The following OSBPL10 variants were observed in gnomAD, a reference collection of about 807,000 sequenced individuals.
The protein encoded by OSBPL10 is oxysterol binding protein like 10.
Under a neutral mutation model 81.7 loss-of-function variants are expected in OSBPL10, and 49 were observed. The ratio of observed to expected loss-of-function variants is 0.60; its 90% CI spans 0.48 to 0.76. OSBPL10 has a LOEUF of 0.76. Among genes scored for constraint, OSBPL10 ranks in the 30% least tolerant of loss-of-function variants. The pLI is 0.00. For synonymous variants in OSBPL10, 419 were observed against 383.6 expected, an observed-to-expected ratio of 1.09 and a Z score of -1.08; for missense variants, 923 against 987.8, an observed-to-expected ratio of 0.93 and a Z score of 0.88.
chr3:31,699,624 T>A (rs1205238469), intron 7 of OSBPL10, among the ~76,000 whole-genome samples: 2 of 152,212 alleles, frequency 1.3e-5, no homozygotes, highest in African/African-American at 4.8e-5. Flanking sequence ...AAGACAGTGA[T>A]AGCAGGGCAT....
chr3:31,976,736 T>TTCAC (rs1307806372), intron 1 of OSBPL10, among the ~76,000 whole-genome samples: 2 of 152,168 alleles, frequency 1.3e-5, no homozygotes, highest in Non-Finnish European at 2.9e-5. Context: ...GGATTACAGA[T>TTCAC]GTGAGCCAAT....
chr3:31,754,191 C>G (rs1697816770), intron 4 of OSBPL10, among the ~76,000 whole-genome samples: 1 of 152,176 alleles, frequency 6.6e-6, no homozygotes, highest in South Asian at 2.1e-4. Context: ...TAGGCAAGGT[C>G]CTGAGCCCCT....
intron 2 of OSBPL10, among the ~76,000 whole-genome samples, chr3:31,992,145 CAA>C (rs527764918): frequency 2.4e-4 from 16 of 65,522 alleles, no homozygotes; most frequent in South Asian, 4.9e-4. Context: ...GACTCCATCT[CAA>C]AAAAAAAAAA....
intron 1 of OSBPL10, among the ~76,000 whole-genome samples, chr3:32,062,002 T>C (rs1699755669): frequency 1.1e-5 from 1 of 93,994 alleles, no homozygotes; most frequent in African/African-American, 2.7e-5. Flanking sequence ...TGGTTGAATA[T>C]GCAGATGCAG....
intron 4 of OSBPL10, among the ~76,000 whole-genome samples, chr3:31,783,789 TAAAAAAAAA>T (rs869137696): frequency 5.0e-5 from 1 of 19,960 alleles, no homozygotes; most frequent in East Asian, 1.8e-3. Flanking sequence ...AGACTCCGAT[TAAAAAAAAA>T]AAAAAAAAAA....
At chr3:31,732,968 G>A (rs534842419) in intron 6 of OSBPL10, 32 of 442,384 alleles carry the variant, frequency 7.2e-5, no homozygotes, top group African/African-American at 4.7e-4. Flanking sequence ...CCATGTTAAC[G>A]GGTCTGTTCG....
At chr3:31,865,855 T>C (rs534081917) in intron 3 of OSBPL10, among the ~76,000 whole-genome samples, 1 of 152,330 alleles carries the variant, frequency 6.6e-6, no homozygotes, top group South Asian at 2.1e-4. Context: ...GGTGTTGTTT[T>C]GAGTAGAATC....
chr3:31,810,151 A>G (rs1380389091), intron 4 of OSBPL10, among the ~76,000 whole-genome samples: 6 of 152,086 alleles, frequency 3.9e-5, no homozygotes, highest in African/African-American at 1.4e-4. Context: ...GATCACAGGC[A>G]TGAGCCACCG....
intron 1 of OSBPL10, among the ~76,000 whole-genome samples, chr3:31,958,287 G>A (rs1050183756): frequency 1.3e-5 from 2 of 152,130 alleles, no homozygotes; most frequent in Non-Finnish European, 2.9e-5. Flanking sequence ...TATTACTCTT[G>A]CAATTGAAAA....
chr3:31,770,157 A>G (rs1698334997), intron 4 of OSBPL10, among the ~76,000 whole-genome samples: 1 of 152,194 alleles, frequency 6.6e-6, no homozygotes, highest in African/African-American at 2.4e-5. Flanking sequence ...GATAAAGAGA[A>G]AAGGTGCAGG....
At chr3:31,761,328 T>C (rs371608016) in intron 4 of OSBPL10, among the ~76,000 whole-genome samples, 1 of 152,000 alleles carries the variant, frequency 6.6e-6, no homozygotes, top group East Asian at 1.9e-4. Flanking sequence ...AAAAATTAGC[T>C]GGATGTGGTG....
In OSBPL10 at chr3:31,965,906, TA is replaced by T. The variant is rs1559535520; in HGVS notation, c.281+14992del. On this transcript the variant is annotated intron_variant, in intron 1 of 11. Transcript: ENST00000396556. Reference sequence around the variant, plus strand: ...TAGATAACATATATTATATATTATATAAAATAGATAATATATAATATATATT... The same window carrying T: ...TAGATAACATATATTATATATTATATAAATAGATAATATATAATATATATT... Among the ~76,000 whole-genome samples, 9 of 109,642 alleles carry T rather than the reference TA, an allele frequency of 8.2e-5. No individual in the cohort carries two copies. In the South Asian group the frequency reaches 8.4e-4, roughly 10 times the overall value. The allele number at this position is 109,642 out of a possible 152,430, so 71.9% of individuals were successfully genotyped here.
Position 31,822,913 on chromosome 3 carries a change from T to TAAAAAAAAAAA in OSBPL10, c.729+7116_729+7126dup, listed in dbSNP as rs71097447. Among the ~76,000 whole-genome samples the TAAAAAAAAAAA allele has an allele frequency of 2.8e-3, 251 of 89,052 alleles. 9 individuals carry two copies. Among genetic ancestry groups the TAAAAAAAAAAA allele is most frequent in the African/African-American group, 7.9e-3 (202 of 25,430 alleles). The allele number at this position is 89,052 out of a possible 152,430, so 58.4% of individuals were successfully genotyped here. A position where few individuals can be genotyped will look rare whatever the true frequency, so the allele number is the denominator to read the frequency against. On this transcript the variant is annotated intron_variant, in intron 4 of 11. Transcript: ENST00000396556. Reference sequence around the variant, plus strand: ...TCCAACAGAGTGAGACCCCCAACTCTAAAAAAAAAAAAAAAGTTAAAATAG... The same window carrying TAAAAAAAAAAA: ...TCCAACAGAGTGAGACCCCCAACTCTAAAAAAAAAAAAAAAAAAAAAAAAAAGTTAAAATAG...
intron 3 of OSBPL10, among the ~76,000 whole-genome samples, chr3:31,833,609 C>T (rs1700297604): frequency 6.6e-6 from 1 of 151,872 alleles, no homozygotes; most frequent in Non-Finnish European, 1.5e-5. Context: ...TTATTTTCTA[C>T]AAGGTCAGAC....
chr3:31,829,669 C>T (rs1459705975), intron 4 of OSBPL10, among the ~76,000 whole-genome samples: 1 of 152,084 alleles, frequency 6.6e-6, no homozygotes, highest in Non-Finnish European at 1.5e-5. Context: ...GGGGTATCTG[C>T]GTTATGTCTA....
At chr3:31,868,946 A>G (rs1039331630) in intron 3 of OSBPL10, among the ~76,000 whole-genome samples, 7 of 152,226 alleles carry the variant, frequency 4.6e-5, no homozygotes, top group African/African-American at 1.7e-4. Flanking sequence ...AATAAGGCCT[A>G]TCTAAAAACA....
chr3:32,072,815 C>A (rs1699841627), intron 1 of OSBPL10, among the ~76,000 whole-genome samples: 1 of 152,168 alleles, frequency 6.6e-6, no homozygotes, highest in Non-Finnish European at 1.5e-5. Context: ...AGGTAGAGGC[C>A]TTTCCCACGG....
chr3:31,852,614 C>T (rs114260251), intron 3 of OSBPL10, among the ~76,000 whole-genome samples: 2,588 of 152,070 alleles, frequency 0.017, 32 homozygotes, highest in Non-Finnish European at 0.026. Context: ...GTTTCGCTCC[C>T]GTCACCCAGG....
intron 4 of OSBPL10, among the ~76,000 whole-genome samples, chr3:31,808,336 C>T (rs1699573142): frequency 6.6e-6 from 1 of 152,218 alleles, no homozygotes; most frequent in African/African-American, 2.4e-5. Context: ...CTCACACTGA[C>T]ACTGAGGTCT....
Sources: allele counts gnomAD v4.1 joint callset (sites outside exome capture counted in the v4.1 genomes callset), GRCh38; gene constraint gnomAD v4.1.1; transcripts MANE v1.5; gene names NCBI Gene and HGNC (gene_info 2026-07-23, HGNC 2026-07-21).